The following GULP1 variants were observed in gnomAD, a reference collection of about 807,000 sequenced individuals.
The protein encoded by GULP1 is GULP PTB domain containing engulfment adaptor 1.
In GULP1, 19 loss-of-function variants were observed where a neutral mutation model predicts 40.9. The observed-to-expected ratio is 0.46, with a 90% CI of 0.32 to 0.68. GULP1 has a LOEUF of 0.68. Among genes scored for constraint, GULP1 ranks in the 30% least tolerant of loss-of-function variants. GULP1 has a pLI of 0.03. For missense variants in GULP1, 312 were observed against 362.2 expected (o/e 0.86, Z 1.12); for synonymous variants, 119 against 117.6 (o/e 1.01, Z -0.08).
intron 6 of GULP1, among the ~76,000 whole-genome samples, chr2:188,535,467 G>A (rs532299306): frequency 4.6e-5 from 7 of 152,032 alleles, no homozygotes; most frequent in Non-Finnish European, 1.0e-4. Flanking sequence ...GCATTAATTC[G>A]TTTAGGATAA....
At chr2:188,582,227 A>G (rs1576282005) in intron 9 of GULP1, 1 of 371,902 alleles carries the variant, frequency 2.7e-6, no homozygotes, top group East Asian at 7.4e-5. Context: ...TTACTGTGAA[A>G]TGATCTTATC....
intron 1 of GULP1, among the ~76,000 whole-genome samples, chr2:188,377,084 A>T (rs527553182): frequency 6.6e-6 from 1 of 152,114 alleles, no homozygotes; most frequent in South Asian, 2.1e-4. Flanking sequence ...AGGCAGGAGA[A>T]TTGCTTGAAC....
chr2:188,399,404 G>A (rs952094955), intron 2 of GULP1, among the ~76,000 whole-genome samples: 4 of 152,010 alleles, frequency 2.6e-5, no homozygotes, highest in Admixed American at 1.3e-4. Context: ...AGGAACCACG[G>A]CAACTGATTA....
At chr2:188,473,178 T>C (rs1179244415) in intron 2 of GULP1, among the ~76,000 whole-genome samples, 1 of 152,086 alleles carries the variant, frequency 6.6e-6, no homozygotes, top group Non-Finnish European at 1.5e-5. Context: ...TCTCTCTCTC[T>C]GTTCTGAACC....
intron 1 of GULP1, among the ~76,000 whole-genome samples, chr2:188,347,310 C>T (rs1404376768): frequency 1.3e-5 from 2 of 152,190 alleles, no homozygotes; most frequent in African/African-American, 2.4e-5. Flanking sequence ...AGCACAAACC[C>T]GGGAAGATGG....
chr2:188,454,436 G>A (rs1284338065), intron 2 of GULP1, among the ~76,000 whole-genome samples: 2 of 152,122 alleles, frequency 1.3e-5, no homozygotes, highest in African/African-American at 2.4e-5. Context: ...GGAAGGATAG[G>A]TATATGTAAA....
chr2:188,385,161 C>G (rs1249409847), intron 2 of GULP1, among the ~76,000 whole-genome samples: 1 of 152,190 alleles, frequency 6.6e-6, no homozygotes, highest in Non-Finnish European at 1.5e-5. Context: ...GACCCTACTC[C>G]TGCAGCAAAC....
At chr2:188,516,728 A>G (rs917570841) in intron 4 of GULP1, among the ~76,000 whole-genome samples, 1 of 152,118 alleles carries the variant, frequency 6.6e-6, no homozygotes, top group Admixed American at 6.5e-5. Flanking sequence ...ATTTATGACA[A>G]TTTCCTAGTT....
At chr2:188,549,362 A>C (rs545542971) in intron 7 of GULP1, among the ~76,000 whole-genome samples, 2 of 152,012 alleles carry the variant, frequency 1.3e-5, no homozygotes, top group South Asian at 4.1e-4. Flanking sequence ...ATTTCATTGA[A>C]GAGGATATAC....
At chr2:188,459,492 T>G (rs1264824858) in intron 2 of GULP1, among the ~76,000 whole-genome samples, 1 of 152,160 alleles carries the variant, frequency 6.6e-6, no homozygotes, top group Non-Finnish European at 1.5e-5. Context: ...GCTATTCAAA[T>G]TTTTGCCCAT....
chr2:188,317,739 T>A (rs577248139), intron 1 of GULP1, among the ~76,000 whole-genome samples: 1 of 152,028 alleles, frequency 6.6e-6, no homozygotes, highest in Non-Finnish European at 1.5e-5. Flanking sequence ...CATGACTATA[T>A]AACTTAAAAT....
chr2:188,548,827 G>GGTTTTGTTTTGTTTTGTTTT (rs146982832), intron 7 of GULP1, among the ~76,000 whole-genome samples: 86 of 149,578 alleles, frequency 5.7e-4, no homozygotes, highest in African/African-American at 2.0e-3. Context: ...GGGGAAAGAA[G>GGTTTTGTTTTGTTTTGTTTT]GTTTTGTTTT....
intron 1 of GULP1, among the ~76,000 whole-genome samples, chr2:188,353,342 C>A (rs947726822): frequency 6.6e-6 from 1 of 152,060 alleles, no homozygotes; most frequent in Admixed American, 6.6e-5. Flanking sequence ...TTATTTTAAC[C>A]TTACGACTGA....
At chr2:188,352,173 T>A (rs2044540278) in intron 1 of GULP1, among the ~76,000 whole-genome samples, 2 of 152,190 alleles carry the variant, frequency 1.3e-5, no homozygotes, top group South Asian at 4.1e-4. Flanking sequence ...CAAATGTTAT[T>A]CTGGATGTTT....
intron 9 of GULP1, among the ~76,000 whole-genome samples, chr2:188,577,856 G>A (rs1289738488): frequency 3.9e-5 from 6 of 152,032 alleles, no homozygotes; most frequent in Admixed American, 2.6e-4. Context: ...AACTTTAAAA[G>A]TATGAATCAG....
At chr2:188,312,249 T>C (rs560127614) in intron 1 of GULP1, among the ~76,000 whole-genome samples, 3 of 152,122 alleles carry the variant, frequency 2.0e-5, no homozygotes. Flanking sequence ...TACACAGATA[T>C]ATGTTTTCCA....
chr2:188,485,634 T>C (rs2061799339), intron 4 of GULP1, among the ~76,000 whole-genome samples: 1 of 151,994 alleles, frequency 6.6e-6, no homozygotes. Flanking sequence ...ACTCTAGAGC[T>C]AGATTCCTTG....
chr2:188,346,706 A>T (rs2043714274), intron 1 of GULP1, among the ~76,000 whole-genome samples: 1 of 151,880 alleles, frequency 6.6e-6, no homozygotes, highest in Admixed American at 6.6e-5. Flanking sequence ...CATAGTATAA[A>T]AATTGTTTTA....
chr2:188,333,074 G>T (rs200739348), intron 1 of GULP1, among the ~76,000 whole-genome samples: 2 of 151,780 alleles, frequency 1.3e-5, no homozygotes, highest in Admixed American at 1.3e-4. Flanking sequence ...GTGAGACCTC[G>T]TCTCTACAAA....
Sources: allele counts gnomAD v4.1 joint callset (sites outside exome capture counted in the v4.1 genomes callset), GRCh38; gene constraint gnomAD v4.1.1; transcripts MANE v1.5; gene names NCBI Gene and HGNC (gene_info 2026-07-23, HGNC 2026-07-21).